The following UNC93A variants were observed in gnomAD, a reference collection of about 807,000 sequenced individuals.
UNC93A encodes unc-93 homolog A.
A neutral mutation model predicts 47.5 loss-of-function variants in UNC93A; 43 were observed. The observed-to-expected ratio is 0.91, with a 90% CI of 0.71 to 1.17. The LOEUF (loss-of-function observed/expected upper bound fraction) is 1.17. Ranked by LOEUF, UNC93A falls within the 50% of genes most tolerant of loss-of-function variation. The pLI is 0.00. For synonymous variants in UNC93A, 280 were observed against 258.0 expected (o/e 1.09, Z -0.82); for missense variants, 605 against 577.6 (o/e 1.05, Z -0.49).
rs1030888239 is a variant in UNC93A at position 167,296,036 on chromosome 6, A to G, written c.274A>G (p.Thr92Ala). ...SVGNFFASWY[T>A]LIPTSILLGL... ...GGGTCTGCATTTTACCCACAGGTAC[A>G]CTTTGATCCCCACCTCCATACTGCT... is the stretch of plus-strand genomic sequence containing the variant. The change falls in exon 3 of 8, where the codon ACT (threonine) becomes GCT (alanine). Residue 92 changes from threonine (T) to alanine (A), a missense_variant. Transcript: ENST00000230256. 1 of 1,613,982 alleles carries G rather than the reference A, an allele frequency of 6.2e-7. No homozygotes were observed. The highest frequency in any genetic ancestry group is 1.7e-5 in the Admixed American group (1 of 60,014).
At chr6:167,308,085 G>A (rs1778453597) in intron 7 of UNC93A, among the ~76,000 whole-genome samples, 175 bp downstream of exon 7, 1 of 152,182 alleles carries the variant, frequency 6.6e-6, no homozygotes, top group Non-Finnish European at 1.5e-5. Context: ...TTTTCTCTGA[G>A]CATTTATTCA....
chr6:167,299,261 G>T lies in UNC93A; in HGVS notation c.625+1191G>T, dbSNP rs945771416. Among the ~76,000 whole-genome samples, 10 of 151,916 alleles carry T rather than the reference G, an allele frequency of 6.6e-5. 1 individual carries two copies. The highest frequency in any genetic ancestry group is 3.4e-3 in the Middle Eastern group (1 of 294). On this transcript the variant is annotated intron_variant, in intron 4 of 7. Transcript: ENST00000230256. ...GGATTTGGGGATTCATAAAGGCCTT[G>T]GAATGGGTCCTTCTTAAAGATCAAA...
At chr6:167,275,470 G>C (rs1226202385) in intron 1 of UNC93A, among the ~76,000 whole-genome samples, 2 of 152,242 alleles carry the variant, frequency 1.3e-5, no homozygotes, top group African/African-American at 2.4e-5. Flanking sequence ...GGGCTTTCAT[G>C]ATACCTGGTG....
rs78481496 is a variant in UNC93A at position 167,277,938 on chromosome 6, C to T, written c.-52+6480C>T. Among the ~76,000 whole-genome samples the T allele has an allele frequency of 7.3e-3, 1,107 of 152,246 alleles. 17 individuals are homozygous for T. Among genetic ancestry groups the T allele is most frequent in the African/African-American group, 0.025 (1,024 of 41,528 alleles). ...CCCAGGCCCTGGCAGAGCCACCAGG[C>T]GGGCTCCTGTCCTGTGCTGTCCTGG... On this transcript the variant is annotated intron_variant, in intron 1 of 3. Coordinates refer to the UNC93A transcript ENST00000503433.
At chr6:167,312,539 T>TA (rs1778588234) in intron 7 of UNC93A, among the ~76,000 whole-genome samples, 1 of 152,192 alleles carries the variant, frequency 6.6e-6, no homozygotes, top group Non-Finnish European at 1.5e-5. Flanking sequence ...ACACTTTGGG[T>TA]CACCATCCAA....
At chr6:167,304,837 T>C (rs1006051106) in intron 5 of UNC93A, among the ~76,000 whole-genome samples, 2 of 152,240 alleles carry the variant, frequency 1.3e-5, no homozygotes, top group Non-Finnish European at 2.9e-5. Flanking sequence ...CCCAAAGTGC[T>C]GGGATTACAG....
At chr6:167,295,203 C>A (rs1232196427) in intron 2 of UNC93A, among the ~76,000 whole-genome samples, 1 of 152,180 alleles carries the variant, frequency 6.6e-6, no homozygotes, top group Admixed American at 6.5e-5. Context: ...TGGCCTGCAC[C>A]CCAGGCCCCG....
In UNC93A at chr6:167,281,781, G is replaced by A. The variant is rs144255891; in HGVS notation, c.-51-9658G>A. On this transcript the variant is annotated intron_variant, in intron 1 of 3. Transcript: ENST00000503433. Reference sequence around the variant, plus strand: ...CAAGCAGTGGGCTGTTCAGAAGCTGGCCCAGCCCGGCCAGCCAGCAGCAGT... The same window carrying A: ...CAAGCAGTGGGCTGTTCAGAAGCTGACCCAGCCCGGCCAGCCAGCAGCAGT... Among the ~76,000 whole-genome samples the A allele has an allele frequency of 1.6e-4, 24 of 152,288 alleles. 1 individual carries two copies. In the East Asian group the frequency reaches 4.6e-3, roughly 29 times the overall value.
At chr6:167,295,722 C>T (rs1015992655) in intron 2 of UNC93A, among the ~76,000 whole-genome samples, 6 of 136,362 alleles carry the variant, frequency 4.4e-5, no homozygotes, top group Non-Finnish European at 9.3e-5. Context: ...TCGTGCTCCT[C>T]GCCTTCCTCG....
intron 1 of UNC93A, among the ~76,000 whole-genome samples, chr6:167,274,449 G>T (rs1310012877): frequency 1.3e-5 from 2 of 152,100 alleles, no homozygotes; most frequent in Non-Finnish European, 2.9e-5. Context: ...TTCAGGAAGC[G>T]TCATCCTGTT....
intron 4 of UNC93A, 153 bp downstream of exon 4, chr6:167,298,223 C>A: frequency 4.8e-6 from 6 of 1,247,630 alleles, no homozygotes; most frequent in Non-Finnish European, 6.4e-6. Context: ...TATATGCAGG[C>A]GGTGTTCTTA....
chr6:167,294,028 G>A (rs891236627), intron 1 of UNC93A, among the ~76,000 whole-genome samples: 6 of 152,300 alleles, frequency 3.9e-5, no homozygotes, highest in African/African-American at 1.2e-4. Context: ...ACGGGCACTC[G>A]GAGGCGGGCG....
chr6:167,277,334 G>T (rs1429562006), intron 1 of UNC93A, among the ~76,000 whole-genome samples: 4 of 152,320 alleles, frequency 2.6e-5, no homozygotes, highest in Middle Eastern at 3.4e-3. Flanking sequence ...CCTACCCTTA[G>T]CCGGTGGAGC....
chr6:167,297,519 G>T (rs1778121116), intron 3 of UNC93A, among the ~76,000 whole-genome samples: 2 of 152,180 alleles, frequency 1.3e-5, no homozygotes, highest in Admixed American at 1.3e-4. Context: ...GAAAAGTTAT[G>T]AAATCACCTG....
At chr6:167,282,131 C>A (rs1415337390) in intron 1 of UNC93A, among the ~76,000 whole-genome samples, 1 of 152,302 alleles carries the variant, frequency 6.6e-6, no homozygotes, top group South Asian at 2.1e-4. Flanking sequence ...TTATCGTAGA[C>A]TTTCCTGGGA....
At chr6:167,311,179 C>G (rs1416421426) in intron 7 of UNC93A, among the ~76,000 whole-genome samples, 3 of 152,224 alleles carry the variant, frequency 2.0e-5, no homozygotes, top group African/African-American at 7.2e-5. Context: ...CCTTTAAGAA[C>G]ATATGTGGAC....
At chr6:167,284,017 C>T (rs1377635392) in intron 1 of UNC93A, among the ~76,000 whole-genome samples, 1 of 152,176 alleles carries the variant, frequency 6.6e-6, no homozygotes, top group East Asian at 1.9e-4. Context: ...TTGGCAGAGC[C>T]TGTACGTTCT....
At chr6:167,275,789 T>C (rs1431562149) in intron 1 of UNC93A, among the ~76,000 whole-genome samples, 2 of 152,248 alleles carry the variant, frequency 1.3e-5, no homozygotes, top group Non-Finnish European at 2.9e-5. Flanking sequence ...TCACGGGTTG[T>C]ATGCTCGAGT....
chr6:167,276,573 C>A (rs549398826), intron 1 of UNC93A, among the ~76,000 whole-genome samples: 1 of 152,118 alleles, frequency 6.6e-6, no homozygotes, highest in Non-Finnish European at 1.5e-5. Context: ...CGAGGACACA[C>A]ACTGTGCACA....
Sources: allele counts gnomAD v4.1 joint callset (sites outside exome capture counted in the v4.1 genomes callset), GRCh38; gene constraint gnomAD v4.1.1; transcripts MANE v1.5; gene names NCBI Gene and HGNC (gene_info 2026-07-23, HGNC 2026-07-21).